PRORP: variants seen among roughly 807,000 people sequenced by gnomAD.
The protein encoded by PRORP is mitochondrial ribonuclease P catalytic subunit.
In PRORP, 51 loss-of-function variants were observed where a neutral mutation model predicts 59.4. The ratio of observed to expected loss-of-function variants is 0.86; its 90% CI spans 0.69 to 1.08. The LOEUF is 1.08. Ranked by LOEUF, PRORP falls within the 50% of genes least tolerant of loss-of-function variation. The pLI is 0.00. For missense variants in PRORP, 646 were observed against 690.3 expected, an observed-to-expected ratio of 0.94 and a Z score of 0.72; for synonymous variants, 231 against 245.6, an observed-to-expected ratio of 0.94 and a Z score of 0.55.
At chr14:35,207,132 C>G (rs1006060227) in intron 5 of PRORP, among the ~76,000 whole-genome samples, 6 of 152,070 alleles carry the variant, frequency 3.9e-5, no homozygotes, top group Admixed American at 1.3e-4. Context: ...CCTAATATGC[C>G]AAACAAATGT....
intron 5 of PRORP, among the ~76,000 whole-genome samples, chr14:35,240,517 A>G (rs73239016): frequency 0.052 from 7,847 of 152,226 alleles, 344 homozygotes; most frequent in Admixed American, 0.15. Context: ...TGTATTAGCT[A>G]TACAGGTGAA....
chr14:35,161,993 C>T (rs1201699195), intron 4 of PRORP, among the ~76,000 whole-genome samples: 1 of 151,982 alleles, frequency 6.6e-6, no homozygotes, highest in Non-Finnish European at 1.5e-5. Context: ...TGATAGTGGG[C>T]TATCATTTTA....
chr14:35,198,409 A>T (rs892749486), intron 5 of PRORP, among the ~76,000 whole-genome samples: 1 of 152,206 alleles, frequency 6.6e-6, no homozygotes, highest in Non-Finnish European at 1.5e-5. Context: ...GGTGAGCTTG[A>T]GAGAGGCTTC....
At chr14:35,261,538 G>A (rs531190197) in intron 5 of PRORP, among the ~76,000 whole-genome samples, 7 of 152,164 alleles carry the variant, frequency 4.6e-5, no homozygotes, top group Non-Finnish European at 8.8e-5. Context: ...AGACCAGCCC[G>A]ACCAACATGG....
intron 5 of PRORP, among the ~76,000 whole-genome samples, chr14:35,205,522 A>G (rs546446418): frequency 3.3e-5 from 5 of 152,084 alleles, no homozygotes; most frequent in South Asian, 2.1e-4. Context: ...AGGTCTCGCT[A>G]TGTTACCCAG....
chr14:35,183,577 T>C (rs1217477689), intron 5 of PRORP, among the ~76,000 whole-genome samples: 1 of 152,186 alleles, frequency 6.6e-6, no homozygotes, highest in Non-Finnish European at 1.5e-5. Context: ...TCATAGGATG[T>C]CTTTGGAATA....
chr14:35,156,825 T>C (rs2047924068), intron 4 of PRORP, among the ~76,000 whole-genome samples: 2 of 152,216 alleles, frequency 1.3e-5, no homozygotes. Flanking sequence ...GAAAAGAACT[T>C]ATTCGCAGAG....
chr14:35,218,459 T>TTAAAA (rs1555329355), intron 5 of PRORP, among the ~76,000 whole-genome samples: 7 of 44,778 alleles, frequency 1.6e-4, no homozygotes, highest in Admixed American at 4.3e-4. Flanking sequence ...AGATCCTGTC[T>TTAAAA]AAAAAAAGAA....
At chr14:35,211,827 AATGAAATTTGCTGC>A (rs1355426675) in intron 5 of PRORP, among the ~76,000 whole-genome samples, 2 of 152,152 alleles carry the variant, frequency 1.3e-5, no homozygotes, top group African/African-American at 2.4e-5. Context: ...TAAAGATAAC[AATGAAATTTGCTGC>A]ATTGATTGAC....
At chr14:35,220,743 T>C (rs187873546) in intron 5 of PRORP, among the ~76,000 whole-genome samples, 61 of 152,312 alleles carry the variant, frequency 4.0e-4, no homozygotes, top group Non-Finnish European at 7.4e-4. Flanking sequence ...CCCCATGACA[T>C]GGCTTTTATT....
rs1036871496 is a variant in PRORP at position 35,130,959 on chromosome 14, T to C, written c.1167+3348T>C. On this transcript the variant is annotated intron_variant, in intron 4 of 7. Transcript: ENST00000534898. ...TAACGGTCCTTTTCTTCTTCTTCTT[T>C]TTTTTTGAGGCAGTCACTCTGTCGC... 1.6e-4 allele frequency among the ~76,000 whole-genome samples: 24 copies of C among 147,864 alleles called. 1 individual carries two copies. The Admixed American group carries it at 1.6e-3, about 10-fold the overall frequency.
At chr14:35,214,418 T>C (rs900032841) in intron 5 of PRORP, among the ~76,000 whole-genome samples, 3 of 152,260 alleles carry the variant, frequency 2.0e-5, no homozygotes, top group Non-Finnish European at 4.4e-5. Flanking sequence ...TTTTCTGAAG[T>C]TAAATGGAAT....
intron 4 of PRORP, among the ~76,000 whole-genome samples, chr14:35,179,374 C>T (rs1208364015): frequency 1.3e-5 from 2 of 152,352 alleles, no homozygotes; most frequent in African/African-American, 2.4e-5. Context: ...TTCAGGTACA[C>T]CAATCAGACA....
Position 35,225,086 on chromosome 14 carries a change from G to A in PRORP, c.1276-41641G>A, listed in dbSNP as rs146181511. Among the ~76,000 whole-genome samples, 716 of 152,040 alleles carry A rather than the reference G, an allele frequency of 4.7e-3. 3 individuals are homozygous for A. Among genetic ancestry groups the A allele is most frequent in the Admixed American group, 5.4e-3 (82 of 15,260 alleles). On this transcript the variant is annotated intron_variant, in intron 5 of 7. Coordinates refer to ENST00000534898, the MANE Select transcript of PRORP (RefSeq NM_014672.4). ...GCTAGTATCAGAAATTTTTTTCCAT[G>A]TTTGCATAGGTTTTATTTTATTCTT...
At chr14:35,127,740 C>A in intron 4 of PRORP, 129 bp downstream of exon 4, 1 of 849,334 alleles carries the variant, frequency 1.2e-6, no homozygotes. Flanking sequence ...AACTTTTCAA[C>A]TCTGCTGTTG....
chr14:35,191,290 C>T (rs577926180), intron 5 of PRORP, among the ~76,000 whole-genome samples: 2 of 152,316 alleles, frequency 1.3e-5, no homozygotes, highest in East Asian at 3.9e-4. Context: ...CTCTTGCCCA[C>T]CGCCATGTAA....
chr14:35,161,079 G>A (rs1402060665), intron 4 of PRORP, among the ~76,000 whole-genome samples: 5 of 55,396 alleles, frequency 9.0e-5, no homozygotes, highest in Admixed American at 4.7e-4. Context: ...TGTGAAGACC[G>A]GAGCCCATTT....
intron 5 of PRORP, among the ~76,000 whole-genome samples, chr14:35,228,742 A>G (rs1302912441): frequency 6.6e-6 from 1 of 152,178 alleles, no homozygotes; most frequent in Non-Finnish European, 1.5e-5. Flanking sequence ...TGTCTCTGCT[A>G]TTGTGAATAA....
intron 4 of PRORP, chr14:35,158,898 T>TGGA (rs1490100890): frequency 9.9e-6 from 3 of 302,030 alleles, no homozygotes; most frequent in African/African-American, 6.8e-5. Flanking sequence ...TGATTAATGT[T>TGGA]GTCTTTCCTG....
Sources: gnomAD v4.1 joint callset for allele counts (sites outside exome capture counted in the v4.1 genomes callset) on GRCh38, gnomAD v4.1.1 for gene constraint, MANE v1.5 for transcripts, NCBI Gene and HGNC (gene_info 2026-07-23, HGNC 2026-07-21) for gene names.